Variants in MUC6 observed in about 807,000 individuals in gnomAD.
MUC6 encodes mucin 6, oligomeric mucus/gel-forming (gene/pseudogene).
MUC6 carries 188 observed loss-of-function variants against 201.5 expected under a neutral mutation model. The ratio of observed to expected loss-of-function variants is 0.93; its 90% CI spans 0.83 to 1.05. The LOEUF (loss-of-function observed/expected upper bound fraction) is 1.05. MUC6 is among the 50% of genes least tolerant of loss of function. MUC6 has a pLI of 0.00. For missense variants in MUC6, 2,706 were observed against 3,256.9 expected, an observed-to-expected ratio of 0.83 and a Z score of 4.12; for synonymous variants, 1,228 against 1,389.4, an observed-to-expected ratio of 0.88 and a Z score of 2.58.
chr11:1,033,811 C>T lies in MUC6; in HGVS notation c.53-736G>A, dbSNP rs1422556023. On this transcript the variant is annotated intron_variant, in intron 1 of 32. Coordinates refer to ENST00000421673, the MANE Select transcript of MUC6 (RefSeq NM_005961.3). The surrounding 1 kb of genome is among the most constrained non-coding windows in gnomAD (Gnocchi z 5.6). ...CCGGACCCTGCCTCCGAGACTATGACCCTTCCTGTGGCTCCCACGAGCCCC... is the reference window on the plus strand; with the variant it reads ...CCGGACCCTGCCTCCGAGACTATGATCCTTCCTGTGGCTCCCACGAGCCCC... Among the ~76,000 whole-genome samples, 1 of 152,014 alleles carries T rather than the reference C, an allele frequency of 6.6e-6. No homozygotes were observed. Among genetic ancestry groups the T allele is most frequent in the Non-Finnish European group, 1.5e-5 (1 of 67,968 alleles).
intron 1 of MUC6, among the ~76,000 whole-genome samples, chr11:1,035,345 G>A (rs559350197): frequency 1.3e-4 from 20 of 152,306 alleles, no homozygotes; most frequent in African/African-American, 4.1e-4. Flanking sequence ...ACTAGGGGTC[G>A]CACTCTGCTG....
chr11:1,025,717 C>A, intron 22 of MUC6, 88 bp downstream of exon 22: 1 of 1,264,566 alleles, frequency 7.9e-7, no homozygotes, highest in Non-Finnish European at 1.1e-6. Context: ...CGGGGCAGGA[C>A]CTGGAGGCTC....
rs1326978329 is a variant in MUC6, at chr11:1,016,313, G to C, written c.6488C>G (p.Ser2163Cys). Residue 2163 changes from serine (S) to cysteine (C), a missense_variant, in exon 31 of 33, where the codon TCC (serine) becomes TGC (cysteine). Coordinates refer to ENST00000421673, the MANE Select transcript of MUC6 (RefSeq NM_005961.3). Reference protein sequence around the residue: ...QTSSPSVGTSSSFVSAPVHST... With the variant: ...QTSSPSVGTSCSFVSAPVHST... ...GTGCACGGGGGCGGACACGAAAGAG[G>C]AAGATGTGCCAACAGAAGGCGATGA... The C allele has an allele frequency of 6.2e-7, 1 of 1,611,688 alleles. No homozygotes were observed. The highest frequency in any genetic ancestry group is 8.5e-7 in the Non-Finnish European group (1 of 1,179,078).
At chr11:1,024,242 G>T in intron 24 of MUC6, 139 bp from the exon 25 acceptor site, 1 of 1,061,892 alleles carries the variant, frequency 9.4e-7, no homozygotes, top group Non-Finnish European at 1.4e-6. Flanking sequence ...GGCACCACGT[G>T]GACCTCAGCC....
Position 1,026,990 on chromosome 11 carries a change from C to G in MUC6, c.2345G>C (p.Gly782Ala), listed in dbSNP as rs1856975830. 6.2e-7 allele frequency: 1 copy of G among 1,602,028 alleles called. No homozygotes were observed. The highest frequency in any genetic ancestry group is 8.5e-7 in the Non-Finnish European group (1 of 1,175,146). ...CTGGCATGTGGGGGCACAGGCTGCC[C>G]CAAACTTGTTCTCGGAGGACTGGCT... Reference protein sequence around the residue: ...SCSQSSENKFGAACAPTCQML... With the variant: ...SCSQSSENKFAAACAPTCQML... Residue 782 changes from glycine (G) to alanine (A), a missense_variant, in exon 19 of 33, where the codon GGG (glycine) becomes GCG (alanine). Physicochemically the swap from Gly to Ala is moderately conservative, Grantham distance 60 (BLOSUM62 0). Transcript: ENST00000421673.
In MUC6 at chr11:1,025,307, G is replaced by T; in HGVS notation, c.2860C>A (p.Gln954Lys). 1.9e-6 allele frequency: 3 copies of T among 1,612,520 alleles called. No individual in the cohort carries two copies. The highest frequency in any genetic ancestry group is 2.5e-6 in the Non-Finnish European group (3 of 1,179,700). Reference sequence around the variant, plus strand: ...AGCGCACCCGGCGTCACCCCGAGCTGCACGTGGGGCTCCTCCCCGGTGACC... The same window carrying T: ...AGCGCACCCGGCGTCACCCCGAGCTTCACGTGGGGCTCCTCCCCGGTGACC... Reference protein sequence around the residue: ...YTVTGEEPHVQLGVTPGALSL... With the variant: ...YTVTGEEPHVKLGVTPGALSL... The change falls in exon 23 of 33, where the codon CAG (glutamine) becomes AAG (lysine). Residue 954 changes from glutamine (Q) to lysine (K), a missense_variant. Gln to Lys is a moderately conservative substitution (Grantham distance 53). This residue lies in a region of MUC6 where 1,850 missense variants were observed against 1,958.3 expected (regional missense o/e 0.94). Coordinates refer to ENST00000421673, the MANE Select transcript of MUC6 (RefSeq NM_005961.3).
chr11:1,018,320 C>T lies in MUC6; in HGVS notation c.4481G>A (p.Gly1494Glu). The T allele has an allele frequency of 6.2e-7, 1 of 1,613,940 alleles. No homozygotes were observed. Among genetic ancestry groups the T allele is most frequent in the Non-Finnish European group, 8.5e-7 (1 of 1,179,846 alleles). ...IPPPTTLKAT[G>E]STHTAPPITP... ...TATTGGTGGGGCTGTGTGGGTGGAC[C>T]CTGTGGCCTTGAGCGTTGTTGGTGG... Residue 1494 changes from glycine (G) to glutamate (E), a missense_variant, in exon 31 of 33, where the codon GGG becomes GAG. By Grantham distance (98) the Gly-to-Glu change is moderately conservative. This residue lies in a region of MUC6 where 128 missense variants were observed against 206.5 expected (regional missense o/e 0.62). Transcript: ENST00000421673.
chr11:1,028,410 C>G (rs202129868), intron 13 of MUC6, 23 bp from the exon 14 acceptor site: 1 of 1,607,704 alleles, frequency 6.2e-7, no homozygotes, highest in Non-Finnish European at 8.5e-7. Flanking sequence ...GGCGTGAGCT[C>G]GACTTGAACC....
Position 1,033,263 on chromosome 11 carries a change from G to A in MUC6, c.53-188C>T, listed in dbSNP as rs539823552. 8.3e-6 allele frequency: 5 copies of A among 602,880 alleles called. No individual in the cohort carries two copies. In the East Asian group the frequency reaches 8.3e-5, roughly 10 times the overall value. The allele number at this position is 602,880 out of a possible 1,614,324, so 37.3% of individuals were successfully genotyped here. Reference sequence around the variant, plus strand: ...CTTGGCCTCCCATGCTGTCCTTCACGAGCCCCAGCTTCCTTCCCTGCTCTC... The same window carrying A: ...CTTGGCCTCCCATGCTGTCCTTCACAAGCCCCAGCTTCCTTCCCTGCTCTC... On this transcript the variant is annotated intron_variant, in intron 1 of 32. Transcript: ENST00000421673. This position sits in a 1 kb window ranked among gnomAD's most constrained non-coding sequence, Gnocchi z 5.6.
Position 1,027,177 on chromosome 11 carries a change from G to C in MUC6, c.2248C>G (p.Arg750Gly), listed in dbSNP as rs142554154. Reference protein sequence around the residue: ...NGITCHCINGRLSCPQRPQMF... With the variant: ...NGITCHCINGGLSCPQRPQMF... ...TGTGGCCGCTGCGGGCAACTCAGCCGCCCGTTGATGCAGTGGCTGCAAGAG... is the reference window on the plus strand; with the variant it reads ...TGTGGCCGCTGCGGGCAACTCAGCCCCCCGTTGATGCAGTGGCTGCAAGAG... Residue 750 changes from arginine to glycine, a missense_variant, in exon 18 of 33, where the codon CGG (arginine) becomes GGG (glycine). Around this residue, in one of 10 missense-constraint regions of MUC6, gnomAD observed 1,850 missense variants for 1,958.3 expected, o/e 0.94. Transcript: ENST00000421673. 6.0e-5 allele frequency: 97 copies of C among 1,612,382 alleles called. No homozygotes were observed. The highest frequency in any genetic ancestry group is 8.1e-5 in the Non-Finnish European group (95 of 1,179,816).
chr11:1,029,627 G>A lies in MUC6; in HGVS notation c.1016-12C>T, dbSNP rs757567699. The A allele has an allele frequency of 5.1e-6, 8 of 1,561,140 alleles. No homozygotes were observed. Among genetic ancestry groups the A allele is most frequent in the Admixed American group, 1.8e-5 (1 of 55,370 alleles). ...ATTCAGGACCGTACCTGCAGGAGAG[G>A]GTCTTCTTGGGGCTTGGGTGGGACT... is the stretch of plus-strand genomic sequence containing the variant. On this transcript the variant is annotated splice_polypyrimidine_tract_variant and intron_variant, in intron 8 of 32. Coordinates refer to ENST00000421673, the MANE Select transcript of MUC6 (RefSeq NM_005961.3).
intron 5 of MUC6, 31 bp from the exon 6 acceptor site, chr11:1,031,087 G>A (rs201187043): frequency 2.6e-6 from 4 of 1,546,848 alleles, no homozygotes; most frequent in East Asian, 2.4e-5. Context: ...CAGCACCGTG[G>A]GGGCTGGGCC....
In MUC6 at chr11:1,016,392, C is replaced by T; in HGVS notation, c.6409G>A (p.Ala2137Thr). The T allele has an allele frequency of 6.2e-7, 1 of 1,612,924 alleles. No homozygotes were observed. The highest frequency in any genetic ancestry group is 8.5e-7 in the Non-Finnish European group (1 of 1,179,490). ...ACATAAGAAGAAACAGTAGAGGGGG[C>T]AGAAGGACTGGGAGAAAATGAGGAG... Reference protein sequence around the residue: ...LSSSFSPSPSAPSTVSSYVPS... With the variant: ...LSSSFSPSPSTPSTVSSYVPS... Residue 2137 changes from alanine (A) to threonine (T), a missense_variant, in exon 31 of 33, where the codon GCC (alanine) becomes ACC (threonine). Physicochemically the swap from Ala to Thr is moderately conservative, Grantham distance 58 (BLOSUM62 0). This residue lies in a region of MUC6 where 586 missense variants were observed against 488.0 expected (regional missense o/e 1.20). Transcript: ENST00000421673.
Position 1,013,328 on chromosome 11 carries a change from G to T in MUC6, c.*128C>A. On this transcript the variant is annotated 3_prime_UTR_variant, in exon 33 of 33. Transcript: ENST00000421673. ...CGGTGCCCCAGGGAGCCACGGCCCAGGGCACTTGGGGGCCAGGCCTGGTGA... is the reference window on the plus strand; with the variant it reads ...CGGTGCCCCAGGGAGCCACGGCCCATGGCACTTGGGGGCCAGGCCTGGTGA... 9.6e-7 allele frequency: 1 copy of T among 1,040,288 alleles called. No homozygotes were observed. The highest frequency in any genetic ancestry group is 1.4e-6 in the Non-Finnish European group (1 of 732,028). The allele number at this position is 1,040,288 out of a possible 1,614,324, so 64.4% of individuals were successfully genotyped here.
chr11:1,025,092 G>A lies in MUC6; in HGVS notation c.2986-9C>T, dbSNP rs749113509. The A allele has an allele frequency of 3.0e-5, 49 of 1,612,690 alleles. No homozygotes were observed. The highest frequency in any genetic ancestry group is 2.2e-4 in the Admixed American group (13 of 59,996). The stretch of plus-strand genomic sequence containing the variant: ...AAGCCGCAGAGGGGATCCTGCAGAC[G>A]GTGGCATCAGGCCGGGCCCAGGGGC... On this transcript the variant is annotated splice_polypyrimidine_tract_variant and intron_variant, in intron 23 of 32. Coordinates refer to ENST00000421673, the MANE Select transcript of MUC6 (RefSeq NM_005961.3).
rs768167508 is a variant in MUC6 at position 1,020,124 on chromosome 11, C to T, written c.3774G>A (p.Thr1258=). ...AGGCTGTGGGCTTGGAGGATGTGAG[C>T]GTGGCTGGAAGGAGGGGTGTCTGGG... ...SPTQTPLLPA[T]LTSSKPTASS... is the part of the protein sequence containing the mutation. Residue 1258 remains threonine (T), a synonymous_variant, in exon 29 of 33, where the codon ACG becomes ACA. Transcript: ENST00000421673. 84 of 1,613,106 alleles carry T rather than the reference C, an allele frequency of 5.2e-5. No homozygotes were observed. The highest frequency in any genetic ancestry group is 3.6e-5 in the Non-Finnish European group (43 of 1,179,796).
At position 1,017,378 on chromosome 11, in the gene MUC6, G is replaced by C. The variant is rs767504107; in HGVS notation, c.5423C>G (p.Pro1808Arg). 6.2e-7 allele frequency: 1 copy of C among 1,613,932 alleles called. No homozygotes were observed. The highest frequency in any genetic ancestry group is 1.3e-5 in the African/African-American group (1 of 74,962). ...TTHSPPTGTT[P>R]ISSTGPVTAT... is the part of the protein sequence containing the mutation. ...AGTGACAGGACCTGTGGAAGAGATG[G>C]GAGTGGTCCCTGTAGGTGGGGAGTG... Residue 1808 changes from proline to arginine, a missense_variant, in exon 31 of 33, where the codon CCC becomes CGC. By Grantham distance (103) the Pro-to-Arg change is moderately radical. Around this residue, in one of 10 missense-constraint regions of MUC6, gnomAD observed 25 missense variants for 138.4 expected, o/e 0.18. Coordinates refer to ENST00000421673, the MANE Select transcript of MUC6 (RefSeq NM_005961.3).
chr11:1,027,919 C>T, intron 15 of MUC6, 46 bp downstream of exon 15: 7 of 1,560,854 alleles, frequency 4.5e-6, no homozygotes, highest in Non-Finnish European at 6.1e-6. Context: ...TTGTCAGCCA[C>T]CACAGCCTCC....
Position 1,024,891 on chromosome 11 carries a change from T to TG in MUC6, c.3177dup (p.Lys1060GlnfsTer34). 1.2e-6 allele frequency: 2 copies of TG among 1,612,668 alleles called. No individual in the cohort carries two copies. The highest frequency in any genetic ancestry group is 2.2e-5 in the East Asian group (1 of 44,882). The stretch of plus-strand genomic sequence containing the variant: ...GTCTGGCTGTTGATGACGCTGCACT[T>TG]GCGCTCGGCCCAGGAGCGCCGGAAG... On this transcript the variant is annotated frameshift_variant, in exon 24 of 33. Transcript: ENST00000421673. LOFTEE classifies it high-confidence loss of function.
Sources: allele counts gnomAD v4.1 joint callset (sites outside exome capture counted in the v4.1 genomes callset), GRCh38; gene constraint gnomAD v4.1.1; regional missense constraint gnomAD v4.1.1; non-coding constraint Gnocchi (gnomAD v3.1); transcripts MANE v1.5; gene names NCBI Gene and HGNC (gene_info 2026-07-23, HGNC 2026-07-21).